The following COL11A1 variants were observed in gnomAD, a reference collection of about 807,000 sequenced individuals.
The protein encoded by COL11A1 is collagen alpha-1(XI) chain.
In COL11A1, 74 loss-of-function variants were observed where a neutral mutation model predicts 265.2. The observed-to-expected ratio is 0.28, with a 90% CI of 0.23 to 0.34. The LOEUF (loss-of-function observed/expected upper bound fraction) is 0.34, where lower values mean the gene tolerates loss of function less well. Ranked by LOEUF, COL11A1 falls within the 10% of genes least tolerant of loss-of-function variation. The pLI, the probability that COL11A1 is intolerant of heterozygous loss-of-function variation, is 1.00. For missense variants in COL11A1, 2,165 were observed against 2,263.6 expected, an observed-to-expected ratio of 0.96 and a Z score of 0.88; for synonymous variants, 816 against 727.6, an observed-to-expected ratio of 1.12 and a Z score of -1.96.
chr1:103,001,503 C>T, intron 24 of COL11A1: 1 of 430,276 alleles, frequency 2.3e-6, no homozygotes, highest in Non-Finnish European at 4.1e-6. Context: ...ACATCATTTG[C>T]TATTCATATA....
intron 4 of COL11A1, among the ~76,000 whole-genome samples, chr1:103,057,741 C>A (rs1670354821): frequency 6.6e-6 from 1 of 152,074 alleles, no homozygotes; most frequent in Middle Eastern, 3.2e-3. Context: ...TGAAAAGAAT[C>A]ATTTTTTTTC....
intron 54 of COL11A1, among the ~76,000 whole-genome samples, chr1:102,905,885 T>C (rs12145801): frequency 0.091 from 13,880 of 152,208 alleles, 742 homozygotes; most frequent in Middle Eastern, 0.13. Flanking sequence ...TATTGGTCAC[T>C]GCTGAACTCA....
chr1:102,924,294 C>T (rs1211875292), intron 46 of COL11A1, among the ~76,000 whole-genome samples: 3 of 152,164 alleles, frequency 2.0e-5, no homozygotes, highest in Non-Finnish European at 2.9e-5. Context: ...TTAGGAAAAG[C>T]TCTGTGTTAC....
intron 57 of COL11A1, among the ~76,000 whole-genome samples, chr1:102,897,337 C>T (rs1652555181): frequency 6.6e-6 from 1 of 151,732 alleles, no homozygotes; most frequent in African/African-American, 2.4e-5. Flanking sequence ...CTAATACTCA[C>T]CACACATACG....
At position 103,015,243 on chromosome 1, in the gene COL11A1, A is replaced by C. The variant is rs573306236; in HGVS notation, c.1488+425T>G. Among the ~76,000 whole-genome samples the C allele has an allele frequency of 2.0e-5, 3 of 152,164 alleles. No homozygotes were observed. The East Asian group carries it at 5.8e-4, about 29-fold the overall frequency. ...TTCCCAAAACACCAGGGCAACAAAA[A>C]CTTTACAAAGGAATCTTACAGTAAA... On this transcript the variant is annotated intron_variant, in intron 12 of 66. Transcript: ENST00000370096.
chr1:102,889,654 G>A, intron 58 of COL11A1, 92 bp from the exon 59 acceptor site: 1 of 905,014 alleles, frequency 1.1e-6, no homozygotes, highest in Admixed American at 2.0e-5. Context: ...AATTTCTAAA[G>A]CATAAAAATG....
At chr1:103,047,691 A>C (rs1669415311) in intron 4 of COL11A1, among the ~76,000 whole-genome samples, 1 of 152,088 alleles carries the variant, frequency 6.6e-6, no homozygotes, top group Admixed American at 6.5e-5. Flanking sequence ...CAGTTTTCAA[A>C]GAGAATGCTT....
chr1:102,961,817 T>C, intron 41 of COL11A1, 49 bp downstream of exon 41: 2 of 1,514,074 alleles, frequency 1.3e-6, no homozygotes, highest in South Asian at 1.1e-5. Flanking sequence ...AAAGAAGAGC[T>C]GTAATTCACA....
chr1:102,975,425 A>G (rs955842859), intron 35 of COL11A1, among the ~76,000 whole-genome samples: 1 of 152,134 alleles, frequency 6.6e-6, no homozygotes, highest in African/African-American at 2.4e-5. Context: ...TTTATTTTGG[A>G]TGATGTCAAT....
At chr1:102,972,718 G>T (rs900179383) in intron 36 of COL11A1, among the ~76,000 whole-genome samples, 1 of 152,102 alleles carries the variant, frequency 6.6e-6, no homozygotes, top group African/African-American at 2.4e-5. Context: ...CTAAATGAGG[G>T]TATGCAGATT....
chr1:102,961,799 G>T, intron 41 of COL11A1, 67 bp downstream of exon 41: 1 of 1,378,750 alleles, frequency 7.3e-7, no homozygotes, highest in Non-Finnish European at 1.0e-6. Context: ...CACAGCATGA[G>T]AGTAATGAAA....
At chr1:103,069,437 T>A (rs1018509092) in intron 4 of COL11A1, among the ~76,000 whole-genome samples, 2 of 151,714 alleles carry the variant, frequency 1.3e-5, no homozygotes, top group African/African-American at 4.8e-5. Flanking sequence ...CATGTGCAAA[T>A]CCTGAAACAA....
intron 35 of COL11A1, among the ~76,000 whole-genome samples, chr1:102,977,240 C>A (rs1233943676): frequency 6.6e-6 from 1 of 152,084 alleles, no homozygotes; most frequent in African/African-American, 2.4e-5. Flanking sequence ...ATTAAAAATT[C>A]TTGGCAGAAA....
At chr1:102,891,319 TG>T (rs1651749146) in intron 57 of COL11A1, among the ~76,000 whole-genome samples, 1 of 152,152 alleles carries the variant, frequency 6.6e-6, no homozygotes, top group African/African-American at 2.4e-5. Flanking sequence ...TACATCAAGA[TG>T]GTACTTTCAG....
intron 28 of COL11A1, among the ~76,000 whole-genome samples, chr1:102,994,114 T>C (rs1664396300): frequency 6.6e-6 from 1 of 152,196 alleles, no homozygotes; most frequent in Non-Finnish European, 1.5e-5. Flanking sequence ...AATCCATCCC[T>C]TTTTGTTATC....
intron 6 of COL11A1, 80 bp downstream of exon 6, chr1:103,026,136 T>C: frequency 1.6e-6 from 2 of 1,230,118 alleles, no homozygotes; most frequent in Non-Finnish European, 2.4e-6. Flanking sequence ...TTATGGTAAG[T>C]TTGAGGAACA....
rs759552889 is a variant in COL11A1 at position 103,025,554 on chromosome 1, T to G, written c.957A>C (p.Thr319=). 1 of 1,613,750 alleles carries G rather than the reference T, an allele frequency of 6.2e-7. No homozygotes were observed. Among genetic ancestry groups the G allele is most frequent in the Non-Finnish European group, 8.5e-7 (1 of 1,179,802 alleles). Residue 319 remains threonine, a synonymous_variant, in exon 7 of 67, where the codon ACA becomes ACC. Transcript: ENST00000370096. ...YNYGTMESYQ[T]EAPRHVSGTN... ...TCCCAGAAACATGCCTAGGAGCTTC[T>G]GTCTGGTAACTTTCCATTGTTCCAT...
intron 30 of COL11A1, 143 bp downstream of exon 30, chr1:102,987,490 G>A: frequency 1.4e-6 from 1 of 739,028 alleles, no homozygotes; most frequent in Non-Finnish European, 2.4e-6. Context: ...AAATGTAATG[G>A]TTGCAAATTT....
chr1:102,890,383 T>A, intron 58 of COL11A1, 68 bp downstream of exon 58: 2 of 1,363,430 alleles, frequency 1.5e-6, no homozygotes, highest in South Asian at 2.7e-5. Context: ...GATTTTAATC[T>A]GCAAAAGCAG....
Sources: allele counts gnomAD v4.1 joint callset (sites outside exome capture counted in the v4.1 genomes callset), GRCh38; gene constraint gnomAD v4.1.1; transcripts MANE v1.5; gene names NCBI Gene and HGNC (gene_info 2026-07-23, HGNC 2026-07-21).